Variants in KLHL29 observed in about 807,000 individuals in gnomAD.
KLHL29 encodes the protein kelch-like protein 29.
KLHL29 carries 21 observed loss-of-function variants against 80.4 expected under a neutral mutation model. That is an observed-to-expected ratio of 0.26 (90% confidence interval 0.19 to 0.38). KLHL29 has a LOEUF of 0.38. KLHL29 is among the 10% of genes least tolerant of loss of function. The probability of loss-of-function intolerance (pLI) is 1.00; values close to 1 mark genes in which losing one functional copy is unlikely to be tolerated. For missense variants in KLHL29, 867 were observed against 1,223.9 expected, an observed-to-expected ratio of 0.71 and a Z score of 4.35; for synonymous variants, 511 against 526.8, an observed-to-expected ratio of 0.97 and a Z score of 0.41.
chr2:23,706,642 A>G lies in KLHL29; in HGVS notation c.2606A>G (p.Lys869Arg), dbSNP rs1258464750. 6.5e-7 allele frequency: 1 copy of G among 1,531,966 alleles called. No homozygotes were observed. The highest frequency in any genetic ancestry group is 8.7e-7 in the Non-Finnish European group (1 of 1,143,602). The allele number at this position is 1,531,966 out of a possible 1,614,324, so 94.9% of individuals were successfully genotyped here. A position where few individuals can be genotyped will look rare whatever the true frequency, so the allele number is the denominator to read the frequency against. The change falls in exon 14 of 14, where the codon AAG becomes AGG. Residue 869 changes from lysine to arginine, a missense_variant. By Grantham distance (26) the Lys-to-Arg change is conservative (BLOSUM62 2). This residue lies in a region of KLHL29 where 443 missense variants were observed against 767.0 expected (regional missense o/e 0.58). Coordinates refer to ENST00000486442, the MANE Select transcript of KLHL29 (RefSeq NM_052920.2). Reference protein sequence around the residue: ...PVFRHGCVVIKKYIQSG With the variant: ...PVFRHGCVVIRKYIQSG ...TTCAGACACGGCTGCGTCGTGATAA[A>G]GAAATATATTCAAAGCGGCTGACAT...
At chr2:23,557,531 G>A (rs533489742) in intron 2 of KLHL29, among the ~76,000 whole-genome samples, 2 of 152,086 alleles carry the variant, frequency 1.3e-5, no homozygotes, top group Non-Finnish European at 2.9e-5. Flanking sequence ...GCATCAGGGT[G>A]GGGGACGGGA....
At chr2:23,466,257 A>G (rs1317136928) in intron 1 of KLHL29, among the ~76,000 whole-genome samples, 2 of 152,206 alleles carry the variant, frequency 1.3e-5, no homozygotes, top group Non-Finnish European at 2.9e-5. Context: ...TGACAGAGAG[A>G]ACCACATCAA....
chr2:23,573,135 G>T (rs1572409675), intron 3 of KLHL29, among the ~76,000 whole-genome samples: 2 of 152,248 alleles, frequency 1.3e-5, no homozygotes, highest in East Asian at 3.8e-4. Flanking sequence ...CATCATTGGA[G>T]CTTTTGCTGC....
chr2:23,423,873 CT>C (rs1662925958), intron 1 of KLHL29, among the ~76,000 whole-genome samples: 1 of 152,242 alleles, frequency 6.6e-6, no homozygotes, highest in African/African-American at 2.4e-5. Flanking sequence ...GTGTGTCTTT[CT>C]CCCTGAAGAC....
At chr2:23,691,221 A>C in intron 6 of KLHL29, 1 of 216,802 alleles carries the variant, frequency 4.6e-6, no homozygotes, top group South Asian at 7.8e-5. Flanking sequence ...ATATCTCTGG[A>C]TTGGCTGGCA....
intron 5 of KLHL29, among the ~76,000 whole-genome samples, chr2:23,679,111 G>GA (rs1031084426): frequency 1.8e-4 from 28 of 151,940 alleles, no homozygotes; most frequent in African/African-American, 6.8e-4. Flanking sequence ...CCAACACAGG[G>GA]AAAGTTCCCT....
intron 1 of KLHL29, among the ~76,000 whole-genome samples, chr2:23,456,567 C>T (rs891891822): frequency 4.6e-5 from 7 of 152,248 alleles, no homozygotes; most frequent in African/African-American, 7.2e-5. Context: ...CTAGCACCCA[C>T]GAGTGAGGAG....
chr2:23,703,499 G>C, intron 12 of KLHL29, 120 bp downstream of exon 12: 1 of 1,087,574 alleles, frequency 9.2e-7, no homozygotes, highest in South Asian at 1.7e-5. Flanking sequence ...CCCAGATCTA[G>C]AGGGTGGCAG....
chr2:23,597,305 A>ATGTGTGTGTGTGTGTGTGTGTG (rs1414492384), intron 3 of KLHL29, among the ~76,000 whole-genome samples: 77 of 97,546 alleles, frequency 7.9e-4, no homozygotes, highest in South Asian at 7.1e-4. Flanking sequence ...TCATATATAT[A>ATGTGTGTGTGTGTGTGTGTGTG]TATATGTGTG....
rs149544566 is a variant in KLHL29, at chr2:23,599,246, C to T, written c.285+36765C>T. Among the ~76,000 whole-genome samples the T allele has an allele frequency of 1.9e-4, 29 of 152,296 alleles. No homozygotes were observed. In the East Asian group the frequency reaches 5.6e-3, roughly 29 times the overall value. On this transcript the variant is annotated intron_variant, in intron 3 of 13. Transcript: ENST00000486442. ...GTTGCCCCCAGCCTTGCCTAAGTCT[C>T]TTAGCATGCCCTGGTCCCTGTTTCT... is the stretch of plus-strand genomic sequence containing the variant.
chr2:23,411,378 A>AG (rs1553319817), intron 1 of KLHL29, among the ~76,000 whole-genome samples: 5 of 67,028 alleles, frequency 7.5e-5, no homozygotes, highest in African/African-American at 2.5e-4. Flanking sequence ...TGTTGCAAAA[A>AG]TTGTGTGTGT....
At chr2:23,430,412 G>GACT (rs1663135089) in intron 1 of KLHL29, among the ~76,000 whole-genome samples, 1 of 152,212 alleles carries the variant, frequency 6.6e-6, no homozygotes, top group African/African-American at 2.4e-5. Context: ...CACTTACAGT[G>GACT]ACTACATGAG....
At chr2:23,397,395 G>A (rs1489173220) in intron 1 of KLHL29, among the ~76,000 whole-genome samples, 1 of 152,228 alleles carries the variant, frequency 6.6e-6, no homozygotes, top group Non-Finnish European at 1.5e-5. Context: ...ATGCGTTTTT[G>A]TTAAGGAGGA....
intron 3 of KLHL29, among the ~76,000 whole-genome samples, chr2:23,622,645 C>A (rs1465770724): frequency 6.6e-6 from 1 of 151,952 alleles, no homozygotes; most frequent in East Asian, 1.9e-4. Flanking sequence ...CTGGAATGCT[C>A]AGTCTTTCCT....
chr2:23,562,174 A>G lies in KLHL29; in HGVS notation c.-23A>G. 1 of 1,538,794 alleles carries G rather than the reference A, an allele frequency of 6.5e-7. No homozygotes were observed. The highest frequency in any genetic ancestry group is 8.8e-7 in the Non-Finnish European group (1 of 1,142,582). On this transcript the variant is annotated 5_prime_UTR_variant, in exon 3 of 14. Coordinates refer to ENST00000486442, the MANE Select transcript of KLHL29 (RefSeq NM_052920.2). This position sits in a 1 kb window ranked among gnomAD's most constrained non-coding sequence, Gnocchi z 4.5. ...CAGGTCCGGGCTCTGTTTCCCTGTG[A>G]GAAGCCGCCTCGGCCCACCGAGATG...
rs200890193 is a variant in KLHL29 at position 23,682,680 on chromosome 2, ACACCCTCCCG to A, written c.941-1707_941-1698del. ...CCCCCTCGTGCTCCTGCACCCTCCC[ACACCCTCCCG>A]CACCCTCCCGCGCCCTCCCACTGGT... is the stretch of plus-strand genomic sequence containing the variant. On this transcript the variant is annotated intron_variant, in intron 5 of 13. Transcript: ENST00000486442. The surrounding 1 kb of genome is among the most constrained non-coding windows in gnomAD (Gnocchi z 4.1). Among the ~76,000 whole-genome samples, 351 of 147,408 alleles carry A rather than the reference ACACCCTCCCG, an allele frequency of 2.4e-3. 11 individuals are homozygous for A. In the East Asian group the frequency reaches 0.054, roughly 23 times the overall value.
At chr2:23,568,168 A>G (rs1667635548) in intron 3 of KLHL29, among the ~76,000 whole-genome samples, 2 of 146,524 alleles carry the variant, frequency 1.4e-5, no homozygotes. Context: ...ATTTTGCCAC[A>G]CTTGTAAGAG....
chr2:23,646,450 G>T (rs113422636), intron 5 of KLHL29, among the ~76,000 whole-genome samples: 1 of 152,240 alleles, frequency 6.6e-6, no homozygotes, highest in African/African-American at 2.4e-5. Context: ...CTTCACCTGC[G>T]TGGCTGGGAG....
chr2:23,468,033 A>G (rs1664399481), intron 1 of KLHL29, among the ~76,000 whole-genome samples: 1 of 152,010 alleles, frequency 6.6e-6, no homozygotes, highest in Admixed American at 6.6e-5. Flanking sequence ...TGATCATTAT[A>G]ATGGTTATTG....
Sources: allele counts gnomAD v4.1 joint callset (sites outside exome capture counted in the v4.1 genomes callset), GRCh38; gene constraint gnomAD v4.1.1; regional missense constraint gnomAD v4.1.1; non-coding constraint Gnocchi (gnomAD v3.1); transcripts MANE v1.5; gene names NCBI Gene and HGNC (gene_info 2026-07-23, HGNC 2026-07-21).